REDIC1: variants seen among roughly 807,000 people sequenced by gnomAD.
REDIC1 encodes regulator of DNA class I crossover intermediates 1.
At chr12:39,871,169 A>G in the REDIC1 span, among the ~76,000 whole-genome samples, 1 of 152,216 alleles carries the variant, frequency 6.6e-6, no homozygotes, top group East Asian at 1.9e-4. Context: ...GTCCTTGTGT[A>G]CAGTGAAATA....
the REDIC1 span, among the ~76,000 whole-genome samples, chr12:39,730,557 G>T: frequency 1.6e-4 from 25 of 152,306 alleles, no homozygotes; most frequent in Admixed American, 1.2e-3. Context: ...CCCTTTGTGA[G>T]TAACCTGACC....
At chr12:39,679,539 G>T in the REDIC1 span, among the ~76,000 whole-genome samples, 16 of 152,248 alleles carry the variant, frequency 1.1e-4, no homozygotes, top group African/African-American at 3.9e-4. Context: ...TGGATGTGTA[G>T]AATTAATACT....
the REDIC1 span, chr12:39,830,347 G>A: frequency 5.5e-6 from 8 of 1,460,802 alleles, no homozygotes; most frequent in Non-Finnish European, 7.2e-6. Context: ...TGGGGCCTTG[G>A]GACTTGTTTT....
chr12:39,790,176 T>G, the REDIC1 span, among the ~76,000 whole-genome samples: 1 of 151,322 alleles, frequency 6.6e-6, no homozygotes, highest in Non-Finnish European at 1.5e-5. Flanking sequence ...AAGAAAGAAT[T>G]TTTTATTAGT....
chr12:39,647,692 C>A, the REDIC1 span: 5 of 878,252 alleles, frequency 5.7e-6, no homozygotes, highest in Non-Finnish European at 8.1e-6. Context: ...CTTTTGTAAC[C>A]CCTGCCCTTT....
At chr12:39,751,224 C>A in the REDIC1 span, among the ~76,000 whole-genome samples, 30 of 152,312 alleles carry the variant, frequency 2.0e-4, no homozygotes, top group Non-Finnish European at 1.9e-4. Context: ...AAGGAAAAAA[C>A]AACTCCATCA....
chr12:39,790,375 C>G, the REDIC1 span, among the ~76,000 whole-genome samples: 1 of 118,694 alleles, frequency 8.4e-6, no homozygotes, highest in Non-Finnish European at 1.7e-5. Context: ...CCCCCCTCCC[C>G]CCACCCCACC....
At chr12:39,704,144 A>T in the REDIC1 span, among the ~76,000 whole-genome samples, 5 of 151,462 alleles carry the variant, frequency 3.3e-5, no homozygotes, top group African/African-American at 1.2e-4. Context: ...GCAACCTACA[A>T]AATGGGAGAA....
the REDIC1 span, among the ~76,000 whole-genome samples, chr12:39,829,252 G>T: frequency 6.6e-6 from 1 of 150,964 alleles, no homozygotes; most frequent in Non-Finnish European, 1.5e-5. Flanking sequence ...AAACATTAAG[G>T]TTTCTAGCCT....
the REDIC1 span, among the ~76,000 whole-genome samples, chr12:39,668,770 T>C: frequency 6.6e-6 from 1 of 152,182 alleles, no homozygotes; most frequent in Non-Finnish European, 1.5e-5. Flanking sequence ...GTTATTTTTT[T>C]TCTAAACTTC....
At chr12:39,711,619 GTATACACGTATGTGTA>G in the REDIC1 span, among the ~76,000 whole-genome samples, 2 of 73,220 alleles carry the variant, frequency 2.7e-5, no homozygotes, top group African/African-American at 7.2e-5. Context: ...ATGTGTATGT[GTATACACGTATGTGTA>G]TATGTGTATA....
chr12:39,637,302 T>C, the REDIC1 span, among the ~76,000 whole-genome samples: 1 of 151,594 alleles, frequency 6.6e-6, no homozygotes, highest in Non-Finnish European at 1.5e-5. Context: ...ACAACTAATA[T>C]TGTTCATTCA....
At chr12:39,682,148 A>G in the REDIC1 span, among the ~76,000 whole-genome samples, 17 of 152,100 alleles carry the variant, frequency 1.1e-4, no homozygotes, top group Non-Finnish European at 2.1e-4. Context: ...AATTGTTTTT[A>G]TATCCATATT....
chr12:39,833,147 G>A, the REDIC1 span, among the ~76,000 whole-genome samples: 4 of 152,122 alleles, frequency 2.6e-5, no homozygotes, highest in East Asian at 7.8e-4. Context: ...CTGTAAAAAA[G>A]GTTTACAGAA....
the REDIC1 span, among the ~76,000 whole-genome samples, chr12:39,896,294 GTGTA>G: frequency 7.2e-6 from 1 of 139,348 alleles, no homozygotes; most frequent in African/African-American, 2.7e-5. Flanking sequence ...ATGTATATGT[GTGTA>G]TATATGTATA....
the REDIC1 span, among the ~76,000 whole-genome samples, chr12:39,880,347 T>C: frequency 6.6e-5 from 10 of 152,350 alleles, no homozygotes; most frequent in East Asian, 3.9e-4. Context: ...TAAGAACTAT[T>C]TTTAAAAAAT....
the REDIC1 span, among the ~76,000 whole-genome samples, chr12:39,698,583 C>A: frequency 9.9e-5 from 15 of 152,126 alleles, no homozygotes; most frequent in Non-Finnish European, 1.9e-4. Context: ...CAAAGATAGA[C>A]ATACGTTAGG....
chr12:39,627,645 CA>C, the REDIC1 span, among the ~76,000 whole-genome samples: 1 of 152,012 alleles, frequency 6.6e-6, no homozygotes, highest in Non-Finnish European at 1.5e-5. Context: ...TATTAGGTAC[CA>C]GGGGGTTTAA....
At chr12:39,787,114 C>T in the REDIC1 span, among the ~76,000 whole-genome samples, 3 of 152,018 alleles carry the variant, frequency 2.0e-5, no homozygotes, top group African/African-American at 7.3e-5. Flanking sequence ...TTAAAAGTTG[C>T]AGAAAAATTT....
Sources: allele counts gnomAD v4.1 joint callset (sites outside exome capture counted in the v4.1 genomes callset), GRCh38; gene constraint gnomAD v4.1.1; transcripts MANE v1.5; gene names NCBI Gene and HGNC (gene_info 2026-07-23, HGNC 2026-07-21).